Variants in TGFBR3 observed in about 807,000 individuals in gnomAD.
TGFBR3 encodes the protein transforming growth factor beta receptor type 3.
In TGFBR3, 46 loss-of-function variants were observed where a neutral mutation model predicts 87.9. The observed-to-expected ratio is 0.52, with a 90% CI of 0.41 to 0.67. The LOEUF is 0.67. TGFBR3 is among the 30% of genes least tolerant of loss of function. The pLI is 0.00. For synonymous variants in TGFBR3, 381 were observed against 391.6 expected (o/e 0.97, Z 0.32); for missense variants, 866 against 1,041.9 (o/e 0.83, Z 2.32).
At chr1:91,725,147 T>C (rs1260764556) in intron 7 of TGFBR3, among the ~76,000 whole-genome samples, 1 of 152,162 alleles carries the variant, frequency 6.6e-6, no homozygotes, top group Non-Finnish European at 1.5e-5. Context: ...ACACCTCCAA[T>C]GTTCCCATTC....
At chr1:91,850,432 A>G (rs1677683221) in intron 2 of TGFBR3, among the ~76,000 whole-genome samples, 1 of 152,222 alleles carries the variant, frequency 6.6e-6, no homozygotes. Flanking sequence ...TCCCACTGGA[A>G]AAGTTCATCA....
chr1:91,745,792 A>G (rs1251829888), intron 4 of TGFBR3, among the ~76,000 whole-genome samples: 1 of 152,252 alleles, frequency 6.6e-6, no homozygotes, highest in Non-Finnish European at 1.5e-5. Context: ...GCTTCATTTC[A>G]AAGAAATAAT....
intron 2 of TGFBR3, 126 bp from the exon 3 acceptor site, chr1:91,797,597 T>A (rs1675439495): frequency 1.0e-6 from 1 of 990,562 alleles, no homozygotes; most frequent in Non-Finnish European, 1.6e-6. Context: ...GTTCCAAGAC[T>A]AAGTGGCCAA....
chr1:91,876,774 G>A (rs1678828762), intron 1 of TGFBR3, among the ~76,000 whole-genome samples: 1 of 152,056 alleles, frequency 6.6e-6, no homozygotes, highest in South Asian at 2.1e-4. Flanking sequence ...GGAGGAAAAG[G>A]CCTTTAATCC....
At chr1:91,744,379 C>G (rs887551699) in intron 4 of TGFBR3, among the ~76,000 whole-genome samples, 1 of 152,156 alleles carries the variant, frequency 6.6e-6, no homozygotes, top group African/African-American at 2.4e-5. Flanking sequence ...AGGAGCCATG[C>G]CCAGCCACTC....
At chr1:91,774,148 CT>C (rs397729583) in intron 3 of TGFBR3, among the ~76,000 whole-genome samples, 25 of 148,046 alleles carry the variant, frequency 1.7e-4, no homozygotes, top group Admixed American at 2.7e-4. Context: ...ATATACTTTT[CT>C]TTTTTTTTTT....
chr1:91,891,905 A>G (rs898377977), intron 2 of TGFBR3, among the ~76,000 whole-genome samples: 1 of 152,200 alleles, frequency 6.6e-6, no homozygotes, highest in African/African-American at 2.4e-5. Flanking sequence ...TATCTACGAG[A>G]TTAGAATTTG....
chr1:91,842,797 T>A (rs1677336989), intron 2 of TGFBR3, among the ~76,000 whole-genome samples: 2 of 152,156 alleles, frequency 1.3e-5, no homozygotes, highest in African/African-American at 4.8e-5. Flanking sequence ...TTTATCCTCA[T>A]CAAATCAAAG....
chr1:91,822,118 A>G (rs1229697613), intron 2 of TGFBR3, among the ~76,000 whole-genome samples: 1 of 152,132 alleles, frequency 6.6e-6, no homozygotes, highest in Non-Finnish European at 1.5e-5. Flanking sequence ...GTGACCTATT[A>G]CCATATGGGG....
At chr1:91,892,341 ACT>A (rs1679468737) in intron 2 of TGFBR3, among the ~76,000 whole-genome samples, 1 of 148,566 alleles carries the variant, frequency 6.7e-6, no homozygotes, top group African/African-American at 2.6e-5. Context: ...CCTCCACAAC[ACT>A]CTGCAGAGAA....
At chr1:91,887,236 CT>C (rs71087977), upstream of TGFBR3, among the ~76,000 whole-genome samples, 52 of 41,408 alleles carry the variant, frequency 1.3e-3, no homozygotes, top group East Asian at 4.7e-3. Flanking sequence ...GGACCTATGC[CT>C]TTTTTTTTTT....
intron 7 of TGFBR3, among the ~76,000 whole-genome samples, chr1:91,723,695 G>T (rs1411980636): frequency 6.6e-6 from 1 of 152,092 alleles, no homozygotes; most frequent in African/African-American, 2.4e-5. Context: ...GCTGCAGAGG[G>T]GACCCCAAAG....
chr1:91,869,535 A>G (rs1678506553), intron 1 of TGFBR3, among the ~76,000 whole-genome samples: 1 of 152,158 alleles, frequency 6.6e-6, no homozygotes, highest in East Asian at 1.9e-4. Context: ...GTAGTGGCAC[A>G]TGCCTGTAAT....
chr1:91,857,357 T>TAA (rs759774991), intron 2 of TGFBR3, among the ~76,000 whole-genome samples: 17 of 144,306 alleles, frequency 1.2e-4, no homozygotes, highest in South Asian at 2.2e-4. Context: ...TCCATTTATT[T>TAA]AAAAAAAAAA....
chr1:91,852,934 C>A (rs1329405021), intron 2 of TGFBR3, among the ~76,000 whole-genome samples: 2 of 151,936 alleles, frequency 1.3e-5, no homozygotes, highest in African/African-American at 2.4e-5. Flanking sequence ...ATGGGTGGAC[C>A]ACTTGAGCTC....
intron 2 of TGFBR3, among the ~76,000 whole-genome samples, chr1:91,848,900 G>A (rs1677611747): frequency 6.6e-6 from 1 of 152,164 alleles, no homozygotes; most frequent in Non-Finnish European, 1.5e-5. Context: ...TCTTTAGATG[G>A]TTTGGGGAGG....
chr1:91,853,879 G>C (rs1295969443), intron 2 of TGFBR3, among the ~76,000 whole-genome samples: 1 of 152,064 alleles, frequency 6.6e-6, no homozygotes, highest in African/African-American at 2.4e-5. Flanking sequence ...CAGGTGTGGC[G>C]GCGCATGCCT....
chr1:91,875,981 G>C (rs919374801), intron 1 of TGFBR3, among the ~76,000 whole-genome samples: 1 of 143,280 alleles, frequency 7.0e-6, no homozygotes, highest in East Asian at 2.1e-4. Context: ...GAACATAAGA[G>C]GAAAACCAGG....
rs116564225 is a variant in TGFBR3, at chr1:91,788,686, C to T, written c.246+8601G>A. Reference sequence around the variant, plus strand: ...AAGGCTCAAGCTGGAAAACTGGAGACGCTGCACACGCATGCACTGGGCCTT... The same window carrying T: ...AAGGCTCAAGCTGGAAAACTGGAGATGCTGCACACGCATGCACTGGGCCTT... On this transcript the variant is annotated intron_variant, in intron 3 of 16. Coordinates refer to ENST00000212355, the MANE Select transcript of TGFBR3 (RefSeq NM_003243.5). 5.5e-3 allele frequency among the ~76,000 whole-genome samples: 837 copies of T among 152,320 alleles called. 14 individuals carry two copies. The highest frequency in any genetic ancestry group is 0.019 in the African/African-American group (791 of 41,570).
Sources: gnomAD v4.1 joint callset for allele counts (sites outside exome capture counted in the v4.1 genomes callset) on GRCh38, gnomAD v4.1.1 for gene constraint, MANE v1.5 for transcripts, NCBI Gene and HGNC (gene_info 2026-07-23, HGNC 2026-07-21) for gene names.